Variants in ZNF765 observed in about 807,000 individuals in gnomAD.
ZNF765 encodes the protein zinc finger protein 765.
In ZNF765, 37 loss-of-function variants were observed where a neutral mutation model predicts 44.7. That is an observed-to-expected ratio of 0.83 (90% CI 0.64 to 1.09). ZNF765 has a LOEUF of 1.09. ZNF765 is among the 50% of genes least tolerant of loss of function. ZNF765 has a pLI of 0.00. For synonymous variants in ZNF765, 201 were observed against 213.7 expected (o/e 0.94, Z 0.52); for missense variants, 594 against 626.1 (o/e 0.95, Z 0.55).
chr19:53,395,695 A>G (rs927556963), intron 1 of ZNF765, among the ~76,000 whole-genome samples: 2 of 152,154 alleles, frequency 1.3e-5, no homozygotes, highest in Admixed American at 1.3e-4. Flanking sequence ...GTTCGCCTCC[A>G]CAGTCACTGC....
At position 53,409,934 on chromosome 19, in the gene ZNF765, C is replaced by T. The variant is rs557485155; in HGVS notation, c.*807C>T. ...ATTTTACAAATGTAATGATTGTCAC[C>T]AAGTCTTGAGTAATGCTACAACTAT... On this transcript the variant is annotated 3_prime_UTR_variant, in exon 4 of 4. Coordinates refer to ENST00000396408, the MANE Select transcript of ZNF765 (RefSeq NM_001040185.3). 1.5e-4 allele frequency: 90 copies of T among 599,198 alleles called. No homozygotes were observed. Among genetic ancestry groups the T allele is most frequent in the Non-Finnish European group, 2.8e-4 (87 of 307,344 alleles). The allele number at this position is 599,198 out of a possible 1,614,324, so 37.1% of individuals were successfully genotyped here. A position where few individuals can be genotyped will look rare whatever the true frequency, so the allele number is the denominator to read the frequency against.
At chr19:53,395,439 C>T (rs1020696384) in intron 1 of ZNF765, among the ~76,000 whole-genome samples, 8 of 152,226 alleles carry the variant, frequency 5.3e-5, no homozygotes, top group Non-Finnish European at 1.2e-4. Context: ...ACGTAGTTTT[C>T]CTGCTCTGAA....
Position 53,398,043 on chromosome 19 carries a change from T to C in ZNF765, c.15+13T>C. On this transcript the variant is annotated intron_variant, in intron 2 of 3. Coordinates refer to ENST00000396408, the MANE Select transcript of ZNF765 (RefSeq NM_001040185.3). ...GGCTCTTCCTCAGGTGAGATGATAT[T>C]CTTGGTGGATTGTTCTGTCTCCTTC... The C allele has an allele frequency of 6.2e-7, 1 of 1,613,334 alleles. No homozygotes were observed. Among genetic ancestry groups the C allele is most frequent in the East Asian group, 2.2e-5 (1 of 44,766 alleles).
chr19:53,400,061 C>T (rs768366126), intron 2 of ZNF765, among the ~76,000 whole-genome samples: 22 of 152,136 alleles, frequency 1.4e-4, no homozygotes, highest in Non-Finnish European at 2.6e-4. Context: ...ATCCACCTGC[C>T]TCAGCCACTC....
intron 3 of ZNF765, among the ~76,000 whole-genome samples, chr19:53,405,870 T>C (rs1382161397): frequency 7.2e-6 from 1 of 138,142 alleles, no homozygotes; most frequent in Non-Finnish European, 1.6e-5. Context: ...TGTTTTATAT[T>C]TTGTGCATAG....
intron 3 of ZNF765, among the ~76,000 whole-genome samples, chr19:53,406,586 G>C (rs1252409042): frequency 2.6e-5 from 4 of 152,102 alleles, no homozygotes; most frequent in Non-Finnish European, 1.5e-5. Flanking sequence ...TCGGTATGTG[G>C]TATGCAATAT....
chr19:53,402,495 C>T (rs1455368430), intron 3 of ZNF765, among the ~76,000 whole-genome samples: 2 of 152,052 alleles, frequency 1.3e-5, no homozygotes, highest in Non-Finnish European at 2.9e-5. Flanking sequence ...ATCCTGACCT[C>T]GTGATCCACA....
chr19:53,409,896 A>T lies in ZNF765; in HGVS notation c.*769A>T. On this transcript the variant is annotated 3_prime_UTR_variant, in exon 4 of 4. Coordinates refer to ENST00000396408, the MANE Select transcript of ZNF765 (RefSeq NM_001040185.3). ...GATAATGAGTGTAGAAAAACCTTTC[A>T]TGGGCAGTCAGCATTTTACAAATGT... is the stretch of plus-strand genomic sequence containing the variant. The T allele has an allele frequency of 1.6e-6, 1 of 640,420 alleles. No individual in the cohort carries two copies. Among genetic ancestry groups the T allele is most frequent in the South Asian group, 1.4e-5 (1 of 72,318 alleles). 39.7% of individuals were successfully genotyped at this position (640,420 alleles called of 1,614,324 possible).
At chr19:53,399,062 T>G (rs1390015421) in intron 2 of ZNF765, among the ~76,000 whole-genome samples, 1 of 151,800 alleles carries the variant, frequency 6.6e-6, no homozygotes, top group East Asian at 1.9e-4. Context: ...CAATGATTAT[T>G]ATTAAATATA....
chr19:53,399,464 C>T (rs1256039732), intron 2 of ZNF765, among the ~76,000 whole-genome samples: 1 of 151,750 alleles, frequency 6.6e-6, no homozygotes, highest in Admixed American at 6.6e-5. Flanking sequence ...ACATGTATTT[C>T]TGCATCATAT....
At chr19:53,423,302 T>C in exon 4 of ZNF765, 2 of 649,026 alleles carry the variant, frequency 3.1e-6, no homozygotes, top group Non-Finnish European at 5.7e-6. Flanking sequence ...GTTCTGCTGC[T>C]GATCACGAGG....
rs35520888 is a variant in ZNF765 at position 53,400,763 on chromosome 19, C to CATATATATATATATATATATATATAT, written c.16-1281_16-1280insTATATATATATATATATATATATATA. 3.7e-3 allele frequency among the ~76,000 whole-genome samples: 434 copies of CATATATATATATATATATATATATAT among 115,854 alleles called. 22 individuals are homozygous for CATATATATATATATATATATATATAT. The highest frequency in any genetic ancestry group is 6.1e-3 in the East Asian group (23 of 3,746). The allele number at this position is 115,854 out of a possible 152,430, so 76.0% of individuals were successfully genotyped here. On this transcript the variant is annotated intron_variant, in intron 2 of 3. Coordinates refer to ENST00000396408, the MANE Select transcript of ZNF765 (RefSeq NM_001040185.3). ...CTGTGTAGGTTTCATTATTTGTTGA[C>CATATATATATATATATATATATATAT]ATATATATATATATATATATACACA...
downstream of ZNF765, among the ~76,000 whole-genome samples, chr19:53,413,717 T>C (rs1449059192): frequency 1.1e-4 from 16 of 151,024 alleles, no homozygotes; most frequent in African/African-American, 3.9e-4. Context: ...GGGAATCTTC[T>C]CGTCTCCTGT....
In ZNF765 at chr19:53,407,798, C is replaced by T. The variant is rs1488497668; in HGVS notation, c.243C>T (p.His81=). The T allele has an allele frequency of 1.2e-6, 2 of 1,613,072 alleles. No homozygotes were observed. Among genetic ancestry groups the T allele is most frequent in the Non-Finnish European group, 1.7e-6 (2 of 1,179,536 alleles). Residue 81 remains histidine, a synonymous_variant, in exon 4 of 4, where the codon CAC becomes CAT. Coordinates refer to ENST00000396408, the MANE Select transcript of ZNF765 (RefSeq NM_001040185.3). Reference sequence around the variant, plus strand: ...CATCTCAAAGACATGAAAGTCATCACAATGGAGATTTTTGTTTCCAGGATA... The same window carrying T: ...CATCTCAAAGACATGAAAGTCATCATAATGGAGATTTTTGTTTCCAGGATA... ...AGTSQRHESH[H]NGDFCFQDID...
intron 2 of ZNF765, among the ~76,000 whole-genome samples, chr19:53,400,783 T>TATATATATATATATATATATATATAC (rs10664389): frequency 5.6e-4 from 71 of 126,688 alleles, no homozygotes; most frequent in Middle Eastern, 4.2e-3. Context: ...TATATATATA[T>TATATATATATATATATATATATATAC]ACACACATAC....
intron 3 of ZNF765, among the ~76,000 whole-genome samples, chr19:53,419,119 A>G (rs533062345): frequency 4.6e-5 from 7 of 152,242 alleles, no homozygotes; most frequent in South Asian, 2.1e-4. Flanking sequence ...TCCTTCAATA[A>G]TAATGATTTT....
Position 53,409,760 on chromosome 19 carries a change from C to G in ZNF765, c.*633C>G, listed in dbSNP as rs1366318233. Reference sequence around the variant, plus strand: ...CTCATACCTTACATGCCATCATAGACTTCATACTGGAGAGATACCTTAAAA... The same window carrying G: ...CTCATACCTTACATGCCATCATAGAGTTCATACTGGAGAGATACCTTAAAA... On this transcript the variant is annotated 3_prime_UTR_variant, in exon 4 of 4. Coordinates refer to ENST00000396408, the MANE Select transcript of ZNF765 (RefSeq NM_001040185.3). 5 of 843,386 alleles carry G rather than the reference C, an allele frequency of 5.9e-6. No individual in the cohort carries two copies. Among genetic ancestry groups the G allele is most frequent in the Middle Eastern group, 2.3e-4 (1 of 4,264 alleles). The allele number at this position is 843,386 out of a possible 1,614,324, so 52.2% of individuals were successfully genotyped here.
chr19:53,409,045 A>G lies in ZNF765; in HGVS notation c.1490A>G (p.Glu497Gly), dbSNP rs2085808451. The G allele has an allele frequency of 6.2e-7, 1 of 1,613,898 alleles. No individual in the cohort carries two copies. The highest frequency in any genetic ancestry group is 1.3e-5 in the African/African-American group (1 of 74,872). ...ACTGGACAGAAACCTTACAAATGTG[A>G]AGATTGTGATGAAGCTTTCAGTTTC... Reference protein sequence around the residue: ...LHTGQKPYKCEDCDEAFSFKS... With the variant: ...LHTGQKPYKCGDCDEAFSFKS... The change falls in exon 4 of 4, where the codon GAA (glutamate) becomes GGA (glycine). Residue 497 changes from glutamate to glycine, a missense_variant. Around this residue, in one of 2 missense-constraint regions of ZNF765, gnomAD observed 567 missense variants for 572.6 expected, o/e 0.99. Coordinates refer to ENST00000396408, the MANE Select transcript of ZNF765 (RefSeq NM_001040185.3).
Position 53,400,783 on chromosome 19 carries a change from T to TATATATACACAC in ZNF765, c.16-1281_16-1280insTATATACACACA, listed in dbSNP as rs10664389. On this transcript the variant is annotated intron_variant, in intron 2 of 3. Transcript: ENST00000396408. ...GTTGACATATATATATATATATATA[T>TATATATACACAC]ACACACATACATAAAATGGATTTTC... 4.7e-3 allele frequency among the ~76,000 whole-genome samples: 593 copies of TATATATACACAC among 126,772 alleles called. 7 individuals are homozygous for TATATATACACAC. Among genetic ancestry groups the TATATATACACAC allele is most frequent in the African/African-American group, 0.016 (547 of 33,876 alleles). 83.2% of individuals were successfully genotyped at this position (126,772 alleles called of 152,430 possible). A position where few individuals can be genotyped will look rare whatever the true frequency, so the allele number is the denominator to read the frequency against.
Sources: allele counts gnomAD v4.1 joint callset (sites outside exome capture counted in the v4.1 genomes callset), GRCh38; gene constraint gnomAD v4.1.1; regional missense constraint gnomAD v4.1.1; transcripts MANE v1.5; gene names NCBI Gene and HGNC (gene_info 2026-07-23, HGNC 2026-07-21).